The following CNTN6 variants were observed in gnomAD, a reference collection of about 807,000 sequenced individuals.
CNTN6 encodes the protein contactin-6.
A neutral mutation model predicts 122.8 loss-of-function variants in CNTN6; 137 were observed. That is an observed-to-expected ratio of 1.12 (90% CI 0.97 to 1.29). The LOEUF is 1.29. CNTN6 is among the 50% of genes most tolerant of loss of function. CNTN6 has a pLI of 0.00. For missense variants in CNTN6, 1,634 were observed against 1,223.4 expected (o/e 1.34, Z -5.01); for synonymous variants, 570 against 426.0 (o/e 1.34, Z -4.16).
At chr3:1,325,222 G>T (rs73819705) in intron 8 of CNTN6, among the ~76,000 whole-genome samples, 3,296 of 151,818 alleles carry the variant, frequency 0.022, 113 homozygotes, top group African/African-American at 0.074. Flanking sequence ...CTCACACCCA[G>T]AATTAAAGTA....
rs1378381897 is a variant in CNTN6, at chr3:1,389,934, G to C, written c.2704+4137G>C. Among the ~76,000 whole-genome samples the C allele has an allele frequency of 2.7e-5, 4 of 150,680 alleles. No homozygotes were observed. In the East Asian group the frequency reaches 5.8e-4, roughly 22 times the overall value. On this transcript the variant is annotated intron_variant, in intron 20 of 22. Coordinates refer to ENST00000446702, the MANE Select transcript of CNTN6 (RefSeq NM_001289080.2). ...GCAAGTCCTGAGTGACCTACAAAGAGACTTAGACTCCCACACATTAATAAT... is the reference window on the plus strand; with the variant it reads ...GCAAGTCCTGAGTGACCTACAAAGACACTTAGACTCCCACACATTAATAAT...
At chr3:1,267,636 G>A (rs2094947695) in intron 4 of CNTN6, among the ~76,000 whole-genome samples, 1 of 152,146 alleles carries the variant, frequency 6.6e-6, no homozygotes, top group Non-Finnish European at 1.5e-5. Context: ...AAGTAAGAAG[G>A]TCTTTTAAGA....
intron 4 of CNTN6, among the ~76,000 whole-genome samples, chr3:1,276,578 C>T (rs1210654819): frequency 6.6e-6 from 1 of 152,162 alleles, no homozygotes; most frequent in Non-Finnish European, 1.5e-5. Context: ...GGCTTCTATT[C>T]AGTACAACAA....
chr3:1,212,705 TATC>T (rs1356569983), intron 2 of CNTN6, among the ~76,000 whole-genome samples: 3 of 143,962 alleles, frequency 2.1e-5, no homozygotes, highest in South Asian at 2.4e-4. Context: ...TTGTTTTTGA[TATC>T]ATATTGTCAC....
intron 3 of CNTN6, 125 bp from the exon 4 acceptor site, chr3:1,227,693 C>T (rs778829978): frequency 4.0e-6 from 4 of 1,002,210 alleles, no homozygotes; most frequent in Non-Finnish European, 4.4e-6. Context: ...GGTAGGATTA[C>T]CTCCACATGT....
chr3:1,280,769 A>G (rs1204543174), intron 5 of CNTN6, among the ~76,000 whole-genome samples: 1 of 151,868 alleles, frequency 6.6e-6, no homozygotes, highest in Non-Finnish European at 1.5e-5. Context: ...CTGGTCCGAG[A>G]TTTAATTTAT....
intron 17 of CNTN6, among the ~76,000 whole-genome samples, chr3:1,382,582 TAAG>T (rs747168020): frequency 2.6e-5 from 4 of 151,848 alleles, no homozygotes; most frequent in African/African-American, 4.9e-5. Context: ...AATAAATAGT[TAAG>T]AAGTTAATTT....
In CNTN6 at chr3:1,320,858, T is replaced by G. The variant is rs1430922001; in HGVS notation, c.762-792T>G. The stretch of plus-strand genomic sequence containing the variant: ...TAGTTTCATTTATTATAACATGTAT[T>G]TTTGCTCCTTTGAAAGATACCCATA... On this transcript the variant is annotated intron_variant, in intron 7 of 22. Transcript: ENST00000446702. Among the ~76,000 whole-genome samples the G allele has an allele frequency of 5.9e-5, 9 of 151,684 alleles. No individual in the cohort carries two copies. In the Admixed American group the frequency reaches 5.9e-4, roughly 10 times the overall value.
chr3:1,267,834 C>T (rs1265703341), intron 4 of CNTN6, among the ~76,000 whole-genome samples: 1 of 152,006 alleles, frequency 6.6e-6, no homozygotes, highest in Non-Finnish European at 1.5e-5. Context: ...GGAATATACA[C>T]GTTTCTTTTG....
At chr3:1,333,947 G>A (rs570088552) in intron 11 of CNTN6, among the ~76,000 whole-genome samples, 10 of 152,182 alleles carry the variant, frequency 6.6e-5, no homozygotes, top group Middle Eastern at 3.4e-3. Flanking sequence ...ATGATTCAAC[G>A]TAATTTGATG....
At chr3:1,183,935 C>T (rs2093594967) in intron 2 of CNTN6, among the ~76,000 whole-genome samples, 1 of 152,158 alleles carries the variant, frequency 6.6e-6, no homozygotes, top group Non-Finnish European at 1.5e-5. Flanking sequence ...TGGTAGAACT[C>T]AGTTACTGAT....
intron 2 of CNTN6, among the ~76,000 whole-genome samples, chr3:1,194,212 AAGGGAGAAAT>A (rs1163525918): frequency 6.6e-6 from 1 of 152,120 alleles, no homozygotes. Context: ...AGAATGTTTA[AAGGGAGAAAT>A]CTTTTAAAAT....
intron 5 of CNTN6, among the ~76,000 whole-genome samples, chr3:1,292,864 C>T (rs1001746845): frequency 1.3e-5 from 2 of 152,080 alleles, no homozygotes; most frequent in Admixed American, 6.5e-5. Context: ...CTGTATACAT[C>T]TCCAGGTTTT....
intron 2 of CNTN6, among the ~76,000 whole-genome samples, chr3:1,164,740 T>A (rs1156599068): frequency 6.6e-6 from 1 of 152,186 alleles, no homozygotes; most frequent in Non-Finnish European, 1.5e-5. Context: ...TGCCATTTAG[T>A]TTTTAGGCAG....
At chr3:1,282,001 C>T (rs1693544158) in intron 5 of CNTN6, among the ~76,000 whole-genome samples, 1 of 151,866 alleles carries the variant, frequency 6.6e-6, no homozygotes, top group Admixed American at 6.6e-5. Context: ...CACACACACA[C>T]ACACACACAT....
intron 19 of CNTN6, among the ~76,000 whole-genome samples, chr3:1,384,030 A>G (rs1692360132): frequency 6.6e-6 from 1 of 152,202 alleles, no homozygotes; most frequent in Non-Finnish European, 1.5e-5. Flanking sequence ...CCTCCCTCAA[A>G]GTAAGGGAAA....
intron 1 of CNTN6, among the ~76,000 whole-genome samples, chr3:1,099,515 T>C (rs1437064934): frequency 6.6e-6 from 1 of 152,216 alleles, no homozygotes; most frequent in Non-Finnish European, 1.5e-5. Flanking sequence ...CCTTATGTGT[T>C]TTATATTCTT....
chr3:1,341,283 T>G (rs967143512), intron 11 of CNTN6, among the ~76,000 whole-genome samples: 1 of 152,270 alleles, frequency 6.6e-6, no homozygotes, highest in Middle Eastern at 3.4e-3. Flanking sequence ...TTTGATTTAC[T>G]TGGGCTATAA....
rs140321905 is a variant in CNTN6, at chr3:1,118,153, G to T, written c.-83+25033G>T. ...CTGCTGCGGTGGTTGTTAAATGCCA[G>T]CATACGAGGAAAGTTCATTTATGCC... On this transcript the variant is annotated intron_variant, in intron 1 of 22. Transcript: ENST00000446702. 6.4e-4 allele frequency among the ~76,000 whole-genome samples: 97 copies of T among 152,274 alleles called. 2 individuals are homozygous for T. The East Asian group carries it at 0.019, about 29-fold the overall frequency.
Sources: gnomAD v4.1 joint callset for allele counts (sites outside exome capture counted in the v4.1 genomes callset) on GRCh38, gnomAD v4.1.1 for gene constraint, MANE v1.5 for transcripts, NCBI Gene and HGNC (gene_info 2026-07-23, HGNC 2026-07-21) for gene names.